PCBP3: variants seen among roughly 807,000 people sequenced by gnomAD.
PCBP3 encodes the protein poly(rC) binding protein 3, also known as poly(rC)-binding protein 3.
A neutral mutation model predicts 52.7 loss-of-function variants in PCBP3; 25 were observed. The ratio of observed to expected loss-of-function variants is 0.47; its 90% CI spans 0.35 to 0.66. The LOEUF (loss-of-function observed/expected upper bound fraction) is 0.66. Ranked by LOEUF, PCBP3 falls within the 30% of genes least tolerant of loss-of-function variation. PCBP3 has a pLI of 0.01. For missense variants in PCBP3, 391 were observed against 490.3 expected (o/e 0.80, Z 1.91); for synonymous variants, 162 against 183.0 (o/e 0.89, Z 0.93).
intron 2 of PCBP3, among the ~76,000 whole-genome samples, chr21:45,728,184 C>T (rs902725800): frequency 6.6e-6 from 1 of 152,160 alleles, no homozygotes; most frequent in Admixed American, 6.5e-5. Flanking sequence ...TAGGGGTAAA[C>T]ATTCAGTTTT....
intron 2 of PCBP3, among the ~76,000 whole-genome samples, chr21:45,678,173 C>T (rs2081586485): frequency 6.6e-6 from 1 of 151,864 alleles, no homozygotes; most frequent in Non-Finnish European, 1.5e-5. Context: ...AACCCCGTCT[C>T]TACTAAAAAT....
At chr21:45,813,505 G>A (rs571172226) in intron 4 of PCBP3, among the ~76,000 whole-genome samples, 1 of 152,170 alleles carries the variant, frequency 6.6e-6, no homozygotes, top group African/African-American at 2.4e-5. Context: ...GCAGTGGCAC[G>A]ATCTCAGCTC....
At chr21:45,806,057 T>C in intron 4 of PCBP3, among the ~76,000 whole-genome samples, 1 of 152,226 alleles carries the variant, frequency 6.6e-6, no homozygotes, top group East Asian at 1.9e-4. Flanking sequence ...CTTCAGCTTC[T>C]GAGTCATTGC....
chr21:45,918,096 GGGT>G, intron 13 of PCBP3: 1 of 218,900 alleles, frequency 4.6e-6, no homozygotes, highest in Non-Finnish European at 9.2e-6. Flanking sequence ...TGAAAACATA[GGGT>G]CCATCTACAC....
At chr21:45,674,918 G>T (rs2081374342) in intron 2 of PCBP3, among the ~76,000 whole-genome samples, 2 of 152,054 alleles carry the variant, frequency 1.3e-5, no homozygotes, top group African/African-American at 2.4e-5. Flanking sequence ...ATATCCACAG[G>T]GGCCTCTTTC....
intron 2 of PCBP3, among the ~76,000 whole-genome samples, chr21:45,681,639 A>G (rs1036698288): frequency 2.2e-4 from 34 of 152,216 alleles, no homozygotes; most frequent in Non-Finnish European, 4.3e-4. Context: ...GAATTGCTGA[A>G]TTCCATTTTT....
At chr21:45,700,549 T>A (rs1426819979) in intron 2 of PCBP3, among the ~76,000 whole-genome samples, 1 of 152,136 alleles carries the variant, frequency 6.6e-6, no homozygotes, top group Non-Finnish European at 1.5e-5. Flanking sequence ...ACAGGGACAG[T>A]TCCTTCTGCA....
chr21:45,765,193 C>T (rs2089187838), intron 4 of PCBP3, among the ~76,000 whole-genome samples: 1 of 152,108 alleles, frequency 6.6e-6, no homozygotes, highest in South Asian at 2.1e-4. Context: ...AGCAGATATC[C>T]CTGTGGACTT....
chr21:45,820,472 G>A (rs189680441), intron 4 of PCBP3, among the ~76,000 whole-genome samples: 61 of 152,354 alleles, frequency 4.0e-4, no homozygotes, highest in Admixed American at 2.3e-3. Flanking sequence ...GGCCTGTGAT[G>A]ACCCAGGTCA....
chr21:45,680,138 A>T (rs1214806324), intron 2 of PCBP3, among the ~76,000 whole-genome samples: 1 of 152,174 alleles, frequency 6.6e-6, no homozygotes, highest in African/African-American at 2.4e-5. Flanking sequence ...TGTGGCTGTA[A>T]GTCTTGAAAT....
At chr21:45,646,303 A>G (rs927863854) in intron 1 of PCBP3, among the ~76,000 whole-genome samples, 2 of 152,068 alleles carry the variant, frequency 1.3e-5, no homozygotes, top group African/African-American at 4.8e-5. Context: ...GAGGATAATT[A>G]TGCTACAACA....
intron 4 of PCBP3, among the ~76,000 whole-genome samples, chr21:45,826,153 G>C (rs2093302314): frequency 6.6e-6 from 1 of 152,092 alleles, no homozygotes; most frequent in South Asian, 2.1e-4. Context: ...AGCTACTCGG[G>C]AGGCTGAGGC....
intron 4 of PCBP3, among the ~76,000 whole-genome samples, chr21:45,769,334 G>A (rs1375957121): frequency 3.9e-5 from 6 of 152,190 alleles, no homozygotes; most frequent in East Asian, 1.9e-4. Context: ...GGTAAAACTC[G>A]CCCTCCCAAA....
At chr21:45,874,180 T>C (rs1248624335) in intron 5 of PCBP3, among the ~76,000 whole-genome samples, 3 of 152,260 alleles carry the variant, frequency 2.0e-5, no homozygotes, top group Non-Finnish European at 4.4e-5. Context: ...TGCAGCTTCA[T>C]GTCTAGATCT....
At chr21:45,729,556 T>G (rs1265142313) in intron 2 of PCBP3, among the ~76,000 whole-genome samples, 2 of 152,212 alleles carry the variant, frequency 1.3e-5, no homozygotes, top group African/African-American at 4.8e-5. Flanking sequence ...TCACCAACAC[T>G]TCTGTTAGAC....
At chr21:45,681,483 A>G (rs1279923388) in intron 2 of PCBP3, among the ~76,000 whole-genome samples, 3 of 152,114 alleles carry the variant, frequency 2.0e-5, no homozygotes, top group African/African-American at 7.2e-5. Context: ...AACCCATTGT[A>G]TATTGAAAGT....
chr21:45,934,793 A>G (rs549126774), intron 15 of PCBP3, among the ~76,000 whole-genome samples: 7 of 152,308 alleles, frequency 4.6e-5, no homozygotes, highest in Admixed American at 2.0e-4. Context: ...TGTGGGCCTC[A>G]GAACCAGTGG....
intron 9 of PCBP3, among the ~76,000 whole-genome samples, chr21:45,906,795 C>G (rs1438680481): frequency 6.6e-6 from 1 of 152,192 alleles, no homozygotes; most frequent in Non-Finnish European, 1.5e-5. Context: ...ACTAAATTTT[C>G]AGGGGTGGAG....
intron 1 of PCBP3, among the ~76,000 whole-genome samples, chr21:45,645,162 G>A (rs917668288): frequency 6.6e-6 from 1 of 152,154 alleles, no homozygotes; most frequent in African/African-American, 2.4e-5. Context: ...CAGGCTTGGA[G>A]ATCTGTCAGA....
Sources: gnomAD v4.1 joint callset for allele counts (sites outside exome capture counted in the v4.1 genomes callset) on GRCh38, gnomAD v4.1.1 for gene constraint, MANE v1.5 for transcripts, NCBI Gene and HGNC (gene_info 2026-07-23, HGNC 2026-07-21) for gene names.